KCNB2: variants seen among roughly 807,000 people sequenced by gnomAD.
KCNB2 encodes the protein delayed rectifier potassium channel protein.
A neutral mutation model predicts 61.5 loss-of-function variants in KCNB2; 15 were observed. The ratio of observed to expected loss-of-function variants is 0.24; its 90% CI spans 0.16 to 0.38. The LOEUF (loss-of-function observed/expected upper bound fraction) is 0.38, where lower values mean the gene tolerates loss of function less well. Ranked by LOEUF, KCNB2 falls within the 10% of genes least tolerant of loss-of-function variation. The pLI is 1.00. For synonymous variants in KCNB2, 457 were observed against 446.0 expected, an observed-to-expected ratio of 1.02 and a Z score of -0.31; for missense variants, 828 against 1,125.2, an observed-to-expected ratio of 0.74 and a Z score of 3.78.
intron 2 of KCNB2, among the ~76,000 whole-genome samples, chr8:72,720,933 T>C (rs1585852119): frequency 6.6e-6 from 1 of 152,368 alleles, no homozygotes; most frequent in East Asian, 1.9e-4. Context: ...TTTTCTTCCA[T>C]TTCTATTAAG....
At chr8:72,633,534 G>A (rs879585595) in intron 2 of KCNB2, among the ~76,000 whole-genome samples, 10 of 152,182 alleles carry the variant, frequency 6.6e-5, no homozygotes, top group South Asian at 2.1e-4. Flanking sequence ...TGCCTGGCAC[G>A]CCTTCTCTGG....
intron 2 of KCNB2, among the ~76,000 whole-genome samples, chr8:72,820,199 CT>C (rs1809472980): frequency 6.6e-6 from 1 of 152,170 alleles, no homozygotes; most frequent in Non-Finnish European, 1.5e-5. Flanking sequence ...AAATCATATC[CT>C]TCTTTGCATG....
At chr8:72,780,852 AT>A in intron 2 of KCNB2, among the ~76,000 whole-genome samples, 1 of 152,270 alleles carries the variant, frequency 6.6e-6, no homozygotes, top group South Asian at 2.1e-4. Context: ...GTGTAAAAGC[AT>A]TCCTATTTCT....
At chr8:72,625,731 A>G (rs993840969) in intron 2 of KCNB2, among the ~76,000 whole-genome samples, 1 of 152,200 alleles carries the variant, frequency 6.6e-6, no homozygotes, top group African/African-American at 2.4e-5. Flanking sequence ...GCACCCAGAA[A>G]AATGAGCATT....
In KCNB2 at chr8:72,936,652, G is replaced by C; in HGVS notation, c.1297G>C (p.Ala433Pro). ...FYKEQKRQEK[A>P]IKRREALERA... ...CAAGGAGCAGAAACGCCAAGAGAAA[G>C]CAATTAAAAGGAGGGAGGCTCTTGA... Residue 433 changes from alanine to proline, a missense_variant, in exon 3 of 3, where the codon GCA becomes CCA. By Grantham distance (27) the Ala-to-Pro change is conservative. Coordinates refer to ENST00000523207, the MANE Select transcript of KCNB2 (RefSeq NM_004770.3). This position sits in a 1 kb window ranked among gnomAD's most constrained non-coding sequence, Gnocchi z 5.6. The C allele has an allele frequency of 6.2e-7, 1 of 1,614,144 alleles. No individual in the cohort carries two copies. Among genetic ancestry groups the C allele is most frequent in the Non-Finnish European group, 8.5e-7 (1 of 1,180,018 alleles).
intron 2 of KCNB2, among the ~76,000 whole-genome samples, chr8:72,685,770 G>A (rs561178896): frequency 9.2e-5 from 14 of 152,230 alleles, no homozygotes; most frequent in East Asian, 7.7e-4. Context: ...CAGGCAGATC[G>A]CCTGAGGTCA....
At chr8:72,653,283 A>G (rs577394065) in intron 2 of KCNB2, among the ~76,000 whole-genome samples, 1 of 152,132 alleles carries the variant, frequency 6.6e-6, no homozygotes, top group African/African-American at 2.4e-5. Flanking sequence ...CAGCTTTTGC[A>G]TGTAAAATTT....
chr8:72,842,896 C>T (rs7000564), intron 2 of KCNB2, among the ~76,000 whole-genome samples: 129,658 of 152,030 alleles, frequency 0.85, 56,250 homozygotes, highest in Middle Eastern at 0.97. Context: ...GCTCCTGGAT[C>T]CGTTGATTTT....
intron 2 of KCNB2, among the ~76,000 whole-genome samples, chr8:72,882,910 A>C (rs1805741280): frequency 6.6e-6 from 1 of 152,196 alleles, no homozygotes. Flanking sequence ...CTGATGACAC[A>C]GCCTCATTTC....
intron 2 of KCNB2, among the ~76,000 whole-genome samples, chr8:72,829,258 A>T (rs1183516965): frequency 6.6e-6 from 1 of 152,174 alleles, no homozygotes; most frequent in African/African-American, 2.4e-5. Flanking sequence ...TACATGAAAT[A>T]CTCCACATTT....
chr8:72,854,723 T>C (rs1188578600), intron 2 of KCNB2, among the ~76,000 whole-genome samples: 2 of 151,892 alleles, frequency 1.3e-5, no homozygotes, highest in East Asian at 1.9e-4. Flanking sequence ...TAAGCTGACA[T>C]TGGAGAAAAA....
In KCNB2 at chr8:72,937,087, G is replaced by A; in HGVS notation, c.1732G>A (p.Glu578Lys). ...SAYEEEIEME[E>K]VVCPQEQLAV... is the part of the protein sequence containing the mutation. ...ATATGAAGAAGAGATTGAAATGGAA[G>A]AAGTGGTGTGTCCACAGGAGCAGCT... is the stretch of plus-strand genomic sequence containing the variant. Residue 578 changes from glutamate to lysine, a missense_variant, in exon 3 of 3, where the codon GAA (glutamate) becomes AAA (lysine). Glu to Lys is a moderately conservative substitution (Grantham distance 56, BLOSUM62 1). Transcript: ENST00000523207. 3.1e-6 allele frequency: 5 copies of A among 1,614,174 alleles called. No homozygotes were observed. The highest frequency in any genetic ancestry group is 4.2e-6 in the Non-Finnish European group (5 of 1,180,034).
intron 2 of KCNB2, among the ~76,000 whole-genome samples, chr8:72,909,933 A>T (rs974573501): frequency 3.3e-5 from 5 of 152,166 alleles, no homozygotes; most frequent in African/African-American, 1.2e-4. Flanking sequence ...CCCATGGGAC[A>T]TCTTAGGGGA....
At chr8:72,819,704 T>A (rs755892731) in intron 2 of KCNB2, among the ~76,000 whole-genome samples, 27 of 152,248 alleles carry the variant, frequency 1.8e-4, no homozygotes, top group Non-Finnish European at 3.2e-4. Flanking sequence ...CTATTTTTAT[T>A]TTTGTTGTTA....
At chr8:72,828,114 A>G (rs946625255) in intron 2 of KCNB2, among the ~76,000 whole-genome samples, 3 of 152,206 alleles carry the variant, frequency 2.0e-5, no homozygotes, top group Non-Finnish European at 2.9e-5. Flanking sequence ...CAACTGGCCT[A>G]TAAGTTGATT....
At chr8:72,581,188 G>A (rs1364775705) in intron 2 of KCNB2, among the ~76,000 whole-genome samples, 4 of 151,996 alleles carry the variant, frequency 2.6e-5, no homozygotes, top group Non-Finnish European at 4.4e-5. Flanking sequence ...CCTCATATAC[G>A]AGCTGCAGCC....
intron 2 of KCNB2, among the ~76,000 whole-genome samples, chr8:72,614,604 G>A (rs1805590479): frequency 6.6e-6 from 1 of 152,180 alleles, no homozygotes; most frequent in South Asian, 2.1e-4. Flanking sequence ...CTTGTTCTCT[G>A]TGCTGAAGAG....
At chr8:72,727,955 A>G (rs553109261) in intron 2 of KCNB2, among the ~76,000 whole-genome samples, 1 of 152,360 alleles carries the variant, frequency 6.6e-6, no homozygotes, top group African/African-American at 2.4e-5. Context: ...TTTGACTACC[A>G]GAATTATATA....
chr8:72,743,450 A>G (rs1808000904), intron 2 of KCNB2, among the ~76,000 whole-genome samples: 1 of 152,208 alleles, frequency 6.6e-6, no homozygotes, highest in African/African-American at 2.4e-5. Flanking sequence ...GAGAATAAAT[A>G]TTCAGGTGGA....
Sources: gnomAD v4.1 joint callset for allele counts (sites outside exome capture counted in the v4.1 genomes callset) on GRCh38, gnomAD v4.1.1 for gene constraint, Gnocchi (gnomAD v3.1) non-coding constraint, MANE v1.5 for transcripts, NCBI Gene and HGNC (gene_info 2026-07-23, HGNC 2026-07-21) for gene names.